Variants in UPF2 observed in about 807,000 individuals in gnomAD.
UPF2 encodes the protein UPF2 regulator of nonsense mediated mRNA decay.
In UPF2, 17 loss-of-function variants were observed where a neutral mutation model predicts 141.4. That is an observed-to-expected ratio of 0.12 (90% CI 0.08 to 0.18). The LOEUF (loss-of-function observed/expected upper bound fraction) is 0.18. UPF2 is among the 10% of genes least tolerant of loss of function. UPF2 has a pLI of 1.00. For synonymous variants in UPF2, 540 were observed against 498.0 expected, an observed-to-expected ratio of 1.08 and a Z score of -1.12; for missense variants, 1,152 against 1,515.9, an observed-to-expected ratio of 0.76 and a Z score of 3.99.
intron 18 of UPF2, among the ~76,000 whole-genome samples, chr10:11,938,867 T>TTG (rs1832895840): frequency 9.7e-6 from 1 of 103,380 alleles, no homozygotes; most frequent in African/African-American, 3.5e-5. Context: ...TTTTTTTTTT[T>TTG]TTTTTTTTTT....
At chr10:11,960,083 T>C (rs1399744315) in intron 11 of UPF2, among the ~76,000 whole-genome samples, 1 of 152,152 alleles carries the variant, frequency 6.6e-6, no homozygotes, top group Non-Finnish European at 1.5e-5. Context: ...ATTGGATAAT[T>C]TGTTGTGGGG....
At position 11,959,083 on chromosome 10, in the gene UPF2, T is replaced by G; in HGVS notation, c.2370+88A>C. 7.7e-7 allele frequency: 1 copy of G among 1,301,206 alleles called. No homozygotes were observed. Among genetic ancestry groups the G allele is most frequent in the Non-Finnish European group, 1.0e-6 (1 of 983,118 alleles). 80.6% of individuals were successfully genotyped at this position (1,301,206 alleles called of 1,614,324 possible). On this transcript the variant is annotated intron_variant, in intron 12 of 21. Coordinates refer to ENST00000357604, the MANE Select transcript of UPF2 (RefSeq NM_015542.4). The surrounding 1 kb of genome is among the most constrained non-coding windows in gnomAD (Gnocchi z 5.9). ...GCTGATTATAAAGGAACTTGAGCTCTACCCCCACTTCTCCTAGACTCTACA... is the reference window on the plus strand; with the variant it reads ...GCTGATTATAAAGGAACTTGAGCTCGACCCCCACTTCTCCTAGACTCTACA...
intron 5 of UPF2, among the ~76,000 whole-genome samples, chr10:12,003,889 C>CT (rs1833991783): frequency 6.9e-6 from 1 of 144,862 alleles, no homozygotes; most frequent in Non-Finnish European, 1.5e-5. Flanking sequence ...CACATGACTG[C>CT]ACTCCAGCCT....
rs575894486 is a variant in UPF2, at chr10:11,980,655, C to T, written c.1845-1490G>A. ...GACTGAGGCAGGAGAATCACTTGAA[C>T]CCAGGAGGCAGAGGTTGCAGTGAGC... is the stretch of plus-strand genomic sequence containing the variant. On this transcript the variant is annotated intron_variant, in intron 8 of 21. Coordinates refer to ENST00000357604, the MANE Select transcript of UPF2 (RefSeq NM_015542.4). This position sits in a 1 kb window ranked among gnomAD's most constrained non-coding sequence, Gnocchi z 4.2. Among the ~76,000 whole-genome samples, 159 of 152,150 alleles carry T rather than the reference C, an allele frequency of 1.0e-3. No homozygotes were observed. Among genetic ancestry groups the T allele is most frequent in the African/African-American group, 3.6e-3 (149 of 41,496 alleles).
intron 1 of UPF2, among the ~76,000 whole-genome samples, chr10:12,038,854 G>A (rs555615191): frequency 6.1e-4 from 93 of 152,154 alleles, no homozygotes; most frequent in African/African-American, 2.1e-3. Context: ...ATAGAGACAA[G>A]GTCTCAGTAC....
intron 3 of UPF2, among the ~76,000 whole-genome samples, chr10:12,024,957 A>AAAAC (rs71380801): frequency 6.8e-6 from 1 of 146,164 alleles, no homozygotes; most frequent in Non-Finnish European, 1.5e-5. Flanking sequence ...AAAAAAAAAA[A>AAAAC]CACAGCTACT....
chr10:11,988,894 G>T (rs941229606), intron 8 of UPF2, among the ~76,000 whole-genome samples: 3 of 152,190 alleles, frequency 2.0e-5, no homozygotes, highest in African/African-American at 2.4e-5. Context: ...AATATATGGG[G>T]TCTGGAAGAA....
intron 1 of UPF2, among the ~76,000 whole-genome samples, chr10:12,041,876 C>T (rs764109447): frequency 6.6e-5 from 10 of 152,254 alleles, no homozygotes; most frequent in Admixed American, 4.6e-4. Context: ...TGCATCGTTT[C>T]GTGTCGTGTA....
chr10:12,035,361 C>T lies in UPF2; in HGVS notation c.63G>A (p.Lys21=). The T allele has an allele frequency of 6.2e-7, 1 of 1,602,222 alleles. No individual in the cohort carries two copies. Among genetic ancestry groups the T allele is most frequent in the Non-Finnish European group, 8.5e-7 (1 of 1,177,264 alleles). Reference sequence around the variant, plus strand: ...TCCGCCTTTCACTGCAGTCTTTTTCCTTGTTGTTTGGTAAAGAGTCTTTTT... The same window carrying T: ...TCCGCCTTTCACTGCAGTCTTTTTCTTTGTTGTTTGGTAAAGAGTCTTTTT... ...MEEKDSLPNN[K]EKDCSERRTV... is the part of the protein sequence containing the mutation. Residue 21 remains lysine (K), a synonymous_variant, in exon 2 of 22, where the codon AAG becomes AAA. Coordinates refer to ENST00000357604, the MANE Select transcript of UPF2 (RefSeq NM_015542.4).
chr10:11,999,803 TG>T, intron 7 of UPF2, 102 bp downstream of exon 7: 1 of 920,070 alleles, frequency 1.1e-6, no homozygotes, highest in Non-Finnish European at 1.7e-6. Flanking sequence ...GAAGAAATGG[TG>T]GACTTTGTAG....
chr10:11,962,786 C>T (rs915773555), intron 11 of UPF2, among the ~76,000 whole-genome samples: 1 of 152,124 alleles, frequency 6.6e-6, no homozygotes, highest in African/African-American at 2.4e-5. Flanking sequence ...CGTGCCTATC[C>T]TCCTCTCCAG....
intron 21 of UPF2, among the ~76,000 whole-genome samples, chr10:11,922,597 T>TATA (rs1219471380): frequency 6.6e-6 from 1 of 152,196 alleles, no homozygotes; most frequent in African/African-American, 2.4e-5. Context: ...TATCACTAGT[T>TATA]ATAGTGTAAG....
At chr10:11,986,706 C>CT in intron 8 of UPF2, among the ~76,000 whole-genome samples, 1 of 152,292 alleles carries the variant, frequency 6.6e-6, no homozygotes, top group East Asian at 1.9e-4. Context: ...AAGCAAAAGA[C>CT]TGGGGTCATT....
chr10:12,008,377 T>A (rs1834069899), intron 4 of UPF2, among the ~76,000 whole-genome samples: 1 of 152,044 alleles, frequency 6.6e-6, no homozygotes. Context: ...ATACCTGTAA[T>A]CCTAGCACCT....
rs957040565 is a variant in UPF2, at chr10:12,016,774, G to A, written c.1146-2590C>T. On this transcript the variant is annotated intron_variant, in intron 3 of 21. Coordinates refer to ENST00000357604, the MANE Select transcript of UPF2 (RefSeq NM_015542.4). This position sits in a 1 kb window ranked among gnomAD's most constrained non-coding sequence, Gnocchi z 4.1. Reference sequence around the variant, plus strand: ...ACGGTGGTTCACGCCTATAATCCCAGCACTTTGGGAGGCCGAGGCAGGCGG... The same window carrying A: ...ACGGTGGTTCACGCCTATAATCCCAACACTTTGGGAGGCCGAGGCAGGCGG... Among the ~76,000 whole-genome samples, 1 of 152,078 alleles carries A rather than the reference G, an allele frequency of 6.6e-6. No individual in the cohort carries two copies. Among genetic ancestry groups the A allele is most frequent in the Non-Finnish European group, 1.5e-5 (1 of 68,014 alleles).
At chr10:12,022,542 G>GTAC (rs942005792) in intron 3 of UPF2, among the ~76,000 whole-genome samples, 3 of 152,080 alleles carry the variant, frequency 2.0e-5, no homozygotes, top group African/African-American at 4.8e-5. Context: ...ATTAAAATGG[G>GTAC]TACTACTACT....
At chr10:12,018,584 A>T (rs1463219679) in intron 3 of UPF2, among the ~76,000 whole-genome samples, 2 of 151,892 alleles carry the variant, frequency 1.3e-5, no homozygotes, top group Non-Finnish European at 2.9e-5. Flanking sequence ...CCATCTCAAA[A>T]ACAAAAAAAA....
In UPF2 at chr10:11,956,455, C is replaced by A. The variant is rs553052080; in HGVS notation, c.2439G>T (p.Met813Ile). ...QEVKDYVICC[M>I]INIWNVKYNS... ...TATATTTCACATTCCAGATGTTTAT[C>A]ATACAACAAATAACATAGTCTTTCA... The change falls in exon 13 of 22, where the codon ATG becomes ATT. Residue 813 changes from methionine to isoleucine, a missense_variant. By Grantham distance (10) the Met-to-Ile change is conservative (BLOSUM62 1). This residue lies in a region of UPF2 where 739 missense variants were observed against 1,032.2 expected (regional missense o/e 0.72). Transcript: ENST00000357604. The surrounding 1 kb of genome is among the most constrained non-coding windows in gnomAD (Gnocchi z 4.2). 1.2e-6 allele frequency: 2 copies of A among 1,614,078 alleles called. No homozygotes were observed. The highest frequency in any genetic ancestry group is 2.2e-5 in the South Asian group (2 of 91,084).
Position 11,952,181 on chromosome 10 carries a change from A to C in UPF2, c.2919T>G (p.Asp973Glu). 6 of 1,613,890 alleles carry C rather than the reference A, an allele frequency of 3.7e-6. No homozygotes were observed. The highest frequency in any genetic ancestry group is 4.2e-6 in the Non-Finnish European group (5 of 1,179,886). Reference sequence around the variant, plus strand: ...GTTCTAGTGTATCACTGATCATGTAATCTATATCAATAGGAAATGGATGGT... The same window carrying C: ...GTTCTAGTGTATCACTGATCATGTACTCTATATCAATAGGAAATGGATGGT... The part of the protein sequence containing the change: ...TKDHPFPIDI[D>E]YMISDTLELL... Residue 973 changes from aspartate to glutamate, a missense_variant, in exon 15 of 22, where the codon GAT becomes GAG. Physicochemically the swap from Asp to Glu is conservative, Grantham distance 45 (BLOSUM62 2). Around this residue, in one of 4 missense-constraint regions of UPF2, gnomAD observed 739 missense variants for 1,032.2 expected, o/e 0.72. Coordinates refer to ENST00000357604, the MANE Select transcript of UPF2 (RefSeq NM_015542.4).
Sources: gnomAD v4.1 joint callset for allele counts (sites outside exome capture counted in the v4.1 genomes callset) on GRCh38, gnomAD v4.1.1 for gene constraint, gnomAD v4.1.1 regional missense constraint, Gnocchi (gnomAD v3.1) non-coding constraint, MANE v1.5 for transcripts, NCBI Gene and HGNC (gene_info 2026-07-23, HGNC 2026-07-21) for gene names.